The following EIF4G3 variants were observed in gnomAD, a reference collection of about 807,000 sequenced individuals.
EIF4G3 encodes the protein eukaryotic translation initiation factor 4 gamma 3, also known as eIF-4-gamma 3.
EIF4G3 carries 34 observed loss-of-function variants against 186.4 expected under a neutral mutation model. The observed-to-expected ratio is 0.18, with a 90% CI of 0.14 to 0.24. The LOEUF is 0.24. Ranked by LOEUF, EIF4G3 falls within the 10% of genes least tolerant of loss-of-function variation. The pLI is 1.00. For synonymous variants in EIF4G3, 673 were observed against 679.5 expected (o/e 0.99, Z 0.15); for missense variants, 1,536 against 1,948.5 (o/e 0.79, Z 3.99).
intron 12 of EIF4G3, among the ~76,000 whole-genome samples, chr1:20,964,560 T>C (rs1234606818): frequency 6.6e-6 from 1 of 152,226 alleles, no homozygotes; most frequent in Non-Finnish European, 1.5e-5. Flanking sequence ...AATTTGTTTC[T>C]CCTCTCCATT....
intron 4 of EIF4G3, among the ~76,000 whole-genome samples, chr1:21,019,351 T>C (rs1032810240): frequency 1.3e-5 from 2 of 152,254 alleles, no homozygotes; most frequent in Non-Finnish European, 2.9e-5. Flanking sequence ...TCTTGTTGAA[T>C]TGTAAACAAT....
At chr1:20,895,271 CA>C in intron 17 of EIF4G3, 96 bp downstream of exon 17, 14 of 1,349,282 alleles carry the variant, frequency 1.0e-5, no homozygotes, top group Non-Finnish European at 1.4e-5. Context: ...TTTGGTCTAA[CA>C]ATTACTAAAA....
chr1:20,945,752 T>A (rs1455350164), intron 13 of EIF4G3, among the ~76,000 whole-genome samples: 2 of 152,230 alleles, frequency 1.3e-5, no homozygotes, highest in Non-Finnish European at 2.9e-5. Flanking sequence ...CCCAAAGTGC[T>A]TAGATTACAG....
At chr1:21,018,415 CA>C (rs2089829373) in intron 4 of EIF4G3, among the ~76,000 whole-genome samples, 1 of 152,026 alleles carries the variant, frequency 6.6e-6, no homozygotes, top group African/African-American at 2.4e-5. Context: ...ACTAAAAATA[CA>C]GGGCATGGTG....
intron 3 of EIF4G3, among the ~76,000 whole-genome samples, chr1:21,080,510 CCTTT>C (rs1022370321): frequency 6.6e-6 from 1 of 151,720 alleles, no homozygotes; most frequent in Non-Finnish European, 1.5e-5. Flanking sequence ...TTTCTTTCTT[CCTTT>C]ATTTTTTTTG....
rs555616422 is a variant in EIF4G3 at position 20,948,712 on chromosome 1, A to G, written c.823+1291T>C. On this transcript the variant is annotated intron_variant, in intron 13 of 36. Coordinates refer to ENST00000602326, the MANE Select transcript of EIF4G3 (RefSeq NM_001391906.1). The stretch of plus-strand genomic sequence containing the variant: ...TATGGGCCATTCCTAAATATTTTTT[A>G]AAGGATAATTTTTAGTCCGGGCATG... Among the ~76,000 whole-genome samples, 233 of 152,228 alleles carry G rather than the reference A, an allele frequency of 1.5e-3. 1 individual carries two copies. The highest frequency in any genetic ancestry group is 2.6e-3 in the Non-Finnish European group (175 of 68,004).
chr1:21,128,009 C>T (rs965667746), intron 2 of EIF4G3, among the ~76,000 whole-genome samples: 1 of 151,500 alleles, frequency 6.6e-6, no homozygotes. Context: ...TCGAGACCAT[C>T]CTGGCTAACA....
intron 33 of EIF4G3, among the ~76,000 whole-genome samples, chr1:20,824,834 C>T (rs761298484): frequency 1.5e-4 from 23 of 152,148 alleles, no homozygotes; most frequent in Non-Finnish European, 2.9e-4. Flanking sequence ...TGTCACCCTG[C>T]TTTATTTGTT....
At position 21,126,688 on chromosome 1, in the gene EIF4G3, A is replaced by G. The variant is rs1339046896; in HGVS notation, c.-271-37475T>C. 2.6e-4 allele frequency among the ~76,000 whole-genome samples: 39 copies of G among 152,136 alleles called. 1 individual carries two copies. Among genetic ancestry groups the G allele is most frequent in the Admixed American group, 2.6e-3 (39 of 15,264 alleles). Reference sequence around the variant, plus strand: ...AAAAAAACTAACAATTATAAAAAAGATAAGGGAAATAAAGGCATCAAGTAT... The same window carrying G: ...AAAAAAACTAACAATTATAAAAAAGGTAAGGGAAATAAAGGCATCAAGTAT... On this transcript the variant is annotated intron_variant, in intron 2 of 36. Transcript: ENST00000602326.
intron 2 of EIF4G3, among the ~76,000 whole-genome samples, 153 bp from the exon 3 acceptor site, chr1:21,089,366 A>C (rs1253054523): frequency 4.6e-5 from 7 of 152,224 alleles, no homozygotes; most frequent in Non-Finnish European, 8.8e-5. Flanking sequence ...CAAATGTTTC[A>C]AATGTCCTAA....
At chr1:21,105,920 A>T (rs2096609235) in intron 2 of EIF4G3, among the ~76,000 whole-genome samples, 1 of 152,174 alleles carries the variant, frequency 6.6e-6, no homozygotes, top group South Asian at 2.1e-4. Context: ...ATAAAAAATT[A>T]GCTGGGCATG....
At chr1:21,140,589 C>T (rs1392082000) in intron 2 of EIF4G3, among the ~76,000 whole-genome samples, 3 of 152,144 alleles carry the variant, frequency 2.0e-5, no homozygotes, top group African/African-American at 4.8e-5. Context: ...GGATTATAGG[C>T]GTGAGCCACC....
chr1:20,939,736 C>T (rs1228023777), intron 14 of EIF4G3, among the ~76,000 whole-genome samples: 1 of 151,750 alleles, frequency 6.6e-6, no homozygotes, highest in Non-Finnish European at 1.5e-5. Context: ...ACTATCGTAT[C>T]ACTACAAATG....
intron 2 of EIF4G3, chr1:21,167,961 T>C: frequency 7.0e-6 from 3 of 429,388 alleles, no homozygotes; most frequent in South Asian, 5.2e-5. Flanking sequence ...TTTGACTTAC[T>C]GATAAAGGTT....
At chr1:21,115,330 TC>T (rs2096798474) in intron 2 of EIF4G3, among the ~76,000 whole-genome samples, 1 of 152,152 alleles carries the variant, frequency 6.6e-6, no homozygotes, top group Admixed American at 6.6e-5. Context: ...GAATGGCCTT[TC>T]AGTGGAGCAA....
At chr1:20,834,682 G>A (rs1350064755) in intron 30 of EIF4G3, among the ~76,000 whole-genome samples, 1 of 152,102 alleles carries the variant, frequency 6.6e-6, no homozygotes, top group East Asian at 1.9e-4. Flanking sequence ...TTTACTAAGA[G>A]GATATAACAG....
chr1:20,819,279 T>A (rs1479876872), intron 33 of EIF4G3, among the ~76,000 whole-genome samples: 1 of 151,340 alleles, frequency 6.6e-6, no homozygotes, highest in Non-Finnish European at 1.5e-5. Context: ...CATTTTATTA[T>A]ATATATATTA....
At position 20,853,693 on chromosome 1, in the gene EIF4G3, A is replaced by G. The variant is rs368358509; in HGVS notation, c.3434-16T>C. On this transcript the variant is annotated splice_polypyrimidine_tract_variant and intron_variant, in intron 26 of 36. Transcript: ENST00000602326. ...CGTAAGGCATCTACACATGTCGAGG[A>G]TTTAGAAAAAAATACAAATCACATG... 1.8e-5 allele frequency: 28 copies of G among 1,569,706 alleles called. No individual in the cohort carries two copies. The African/African-American group carries it at 3.2e-4, about 18-fold the overall frequency.
At chr1:21,068,381 A>AAAAAAAAAAAAC (rs1167257090) in intron 3 of EIF4G3, among the ~76,000 whole-genome samples, 2 of 143,238 alleles carry the variant, frequency 1.4e-5, no homozygotes, top group African/African-American at 5.5e-5. Flanking sequence ...TCTTTAAAAA[A>AAAAAAAAAAAAC]AAAAAAAAAA....
Sources: gnomAD v4.1 joint callset for allele counts (sites outside exome capture counted in the v4.1 genomes callset) on GRCh38, gnomAD v4.1.1 for gene constraint, MANE v1.5 for transcripts, NCBI Gene and HGNC (gene_info 2026-07-23, HGNC 2026-07-21) for gene names.